The following CDCA7L variants were observed in gnomAD, a reference collection of about 807,000 sequenced individuals.
CDCA7L encodes cell division cycle associated 7 like.
Under a neutral mutation model 57.4 loss-of-function variants are expected in CDCA7L, and 44 were observed. The ratio of observed to expected loss-of-function variants is 0.77; its 90% CI spans 0.60 to 0.98. The LOEUF (loss-of-function observed/expected upper bound fraction) is 0.98. Ranked by LOEUF, CDCA7L falls within the 50% of genes least tolerant of loss-of-function variation. The probability of loss-of-function intolerance (pLI) is 0.00; values close to 1 mark genes in which losing one functional copy is unlikely to be tolerated. For synonymous variants in CDCA7L, 236 were observed against 202.8 expected (o/e 1.16, Z -1.39); for missense variants, 644 against 580.6 (o/e 1.11, Z -1.12).
intron 1 of CDCA7L, among the ~76,000 whole-genome samples, chr7:21,942,518 T>C (rs1786371324): frequency 6.6e-6 from 1 of 152,128 alleles, no homozygotes. Context: ...ATACTGGAGG[T>C]AAATATTCTA....
chr7:21,911,279 G>A (rs1046978641), intron 3 of CDCA7L, among the ~76,000 whole-genome samples: 5 of 151,680 alleles, frequency 3.3e-5, no homozygotes, highest in Non-Finnish European at 7.4e-5. Context: ...CACCCGCCTC[G>A]GCCTCCCAAA....
At chr7:21,944,888 AAAC>A (rs1481891330) in intron 1 of CDCA7L, 1 of 152,080 alleles carries the variant, frequency 6.6e-6, no homozygotes, top group African/African-American at 2.4e-5. Context: ...AAAAAAAAAA[AAAC>A]AATCCTCGCA....
At chr7:21,908,060 G>T in intron 4 of CDCA7L, 70 bp downstream of exon 4, 1 of 1,476,662 alleles carries the variant, frequency 6.8e-7, no homozygotes, top group Non-Finnish European at 8.9e-7. Flanking sequence ...GAGCAAAGTG[G>T]TTCTGGGAGC....
Position 21,902,871 on chromosome 7 carries a change from T to C in CDCA7L, c.1334+107A>G, listed in dbSNP as rs370198326. 1.1e-4 allele frequency: 111 copies of C among 1,010,118 alleles called. 1 individual carries two copies. In the South Asian group the frequency reaches 1.4e-3, roughly 12 times the overall value. 62.6% of individuals were successfully genotyped at this position (1,010,118 alleles called of 1,614,324 possible). On this transcript the variant is annotated intron_variant, in intron 9 of 9. Transcript: ENST00000406877. ...GAATGGATGGTACTCGTGGTTTATA[T>C]AAGTAAGTAAGTCACACGGGAAGGC...
At chr7:21,906,880 C>T (rs1785158806) in intron 4 of CDCA7L, among the ~76,000 whole-genome samples, 1 of 152,144 alleles carries the variant, frequency 6.6e-6, no homozygotes, top group Admixed American at 6.5e-5. Flanking sequence ...AAGGACAACA[C>T]AACACTATGA....
chr7:21,908,598 A>C, intron 3 of CDCA7L, 91 bp from the exon 4 acceptor site: 1 of 1,294,684 alleles, frequency 7.7e-7, no homozygotes, highest in Non-Finnish European at 1.0e-6. Context: ...GCATTATGAG[A>C]AAAAACATGA....
chr7:21,927,772 C>T (rs1434482446), intron 1 of CDCA7L, among the ~76,000 whole-genome samples: 2 of 152,206 alleles, frequency 1.3e-5, no homozygotes, highest in African/African-American at 4.8e-5. Context: ...AAAGTAGTCA[C>T]ATACAAGTGA....
chr7:21,929,631 CAAAAAAAAAAAAAAAAA>C (rs57283961), intron 1 of CDCA7L, among the ~76,000 whole-genome samples: 1 of 35,512 alleles, frequency 2.8e-5, no homozygotes, highest in Non-Finnish European at 4.5e-5. Flanking sequence ...AAATGGAAAG[CAAAAAAAAAAAAAAAAA>C]AAAAAAAAGC....
chr7:21,911,148 G>C (rs1039651437), intron 3 of CDCA7L, among the ~76,000 whole-genome samples: 5 of 147,822 alleles, frequency 3.4e-5, no homozygotes, highest in Non-Finnish European at 5.9e-5. Flanking sequence ...TCCTGCCTCC[G>C]CCTCCCGAGT....
rs181663512 is a variant in CDCA7L at position 21,937,786 on chromosome 7, A to T, written c.24+7995T>A. Among the ~76,000 whole-genome samples the T allele has an allele frequency of 3.3e-5, 5 of 152,358 alleles. No homozygotes were observed. The East Asian group carries it at 7.7e-4, about 23-fold the overall frequency. On this transcript the variant is annotated intron_variant, in intron 1 of 9. Coordinates refer to ENST00000406877, the MANE Select transcript of CDCA7L (RefSeq NM_018719.5). ...CAATGGAAATGAATAAAGAGCCCAGATACAAACCCTTGCATATACAGTTAA... is the reference window on the plus strand; with the variant it reads ...CAATGGAAATGAATAAAGAGCCCAGTTACAAACCCTTGCATATACAGTTAA...
chr7:21,928,071 C>A (rs577698544), intron 1 of CDCA7L, among the ~76,000 whole-genome samples: 16 of 152,322 alleles, frequency 1.1e-4, no homozygotes, highest in African/African-American at 3.1e-4. Flanking sequence ...AGCGATCCGG[C>A]TGGCATCTGG....
At chr7:21,930,689 C>T (rs999236383) in intron 1 of CDCA7L, among the ~76,000 whole-genome samples, 8 of 105,254 alleles carry the variant, frequency 7.6e-5, no homozygotes, top group African/African-American at 2.8e-4. Flanking sequence ...CAGTGCAAGA[C>T]TCCGTCTCAA....
In CDCA7L at chr7:21,902,267, G is replaced by T. The variant is rs143520640; in HGVS notation, c.*55C>A. ...AATCTTTCTTAGGCACCAATGGTATGCATGTCTTGTTGGAGTACTCTATGG... is the reference window on the plus strand; with the variant it reads ...AATCTTTCTTAGGCACCAATGGTATTCATGTCTTGTTGGAGTACTCTATGG... On this transcript the variant is annotated 3_prime_UTR_variant, in exon 10 of 10. Coordinates refer to ENST00000406877, the MANE Select transcript of CDCA7L (RefSeq NM_018719.5). 15,058 of 1,473,690 alleles carry T rather than the reference G, an allele frequency of 0.01. 115 individuals carry two copies. The highest frequency in any genetic ancestry group is 0.025 in the South Asian group (2,175 of 88,626). 91.3% of individuals were successfully genotyped at this position (1,473,690 alleles called of 1,614,324 possible).
intron 2 of CDCA7L, among the ~76,000 whole-genome samples, chr7:21,914,141 G>T (rs552309509): frequency 6.6e-6 from 1 of 152,342 alleles, no homozygotes; most frequent in South Asian, 2.1e-4. Flanking sequence ...TGACATGGAA[G>T]AAACAGACCA....
intron 1 of CDCA7L, among the ~76,000 whole-genome samples, chr7:21,935,843 C>A (rs1786146072): frequency 6.6e-6 from 1 of 152,080 alleles, no homozygotes; most frequent in Non-Finnish European, 1.5e-5. Context: ...CCCATCTCTA[C>A]TAAAAATGCA....
chr7:21,926,999 C>T (rs1164620502), intron 1 of CDCA7L, among the ~76,000 whole-genome samples: 2 of 152,184 alleles, frequency 1.3e-5, no homozygotes, highest in Non-Finnish European at 2.9e-5. Context: ...CTTCAGTTTT[C>T]AGGGTCAGAA....
intron 4 of CDCA7L, among the ~76,000 whole-genome samples, chr7:21,907,574 A>ACT (rs1785179185): frequency 1.3e-5 from 2 of 152,220 alleles, no homozygotes; most frequent in South Asian, 2.1e-4. Context: ...TATGTAACAA[A>ACT]GATTTCACCT....
At chr7:21,915,866 G>A (rs924160679) in intron 2 of CDCA7L, among the ~76,000 whole-genome samples, 1 of 151,978 alleles carries the variant, frequency 6.6e-6, no homozygotes, top group African/African-American at 2.4e-5. Flanking sequence ...AGCAAAAGGT[G>A]TAACAGAGAG....
Position 21,919,166 on chromosome 7 carries a change from C to T in CDCA7L, c.25-2272G>A, listed in dbSNP as rs117186703. ...CAAAAGAGAAATTTTCAGATTTTCT[C>T]TCTCCTTCACAAAGTAGCTGGCATT... On this transcript the variant is annotated intron_variant, in intron 1 of 9. Transcript: ENST00000406877. Among the ~76,000 whole-genome samples, 1,007 of 152,240 alleles carry T rather than the reference C, an allele frequency of 6.6e-3. 5 individuals are homozygous for T. The highest frequency in any genetic ancestry group is 0.017 in the Middle Eastern group (5 of 292).
Sources: allele counts gnomAD v4.1 joint callset (sites outside exome capture counted in the v4.1 genomes callset), GRCh38; gene constraint gnomAD v4.1.1; transcripts MANE v1.5; gene names NCBI Gene and HGNC (gene_info 2026-07-23, HGNC 2026-07-21).